The following NOS1AP variants were observed in gnomAD, a reference collection of about 807,000 sequenced individuals.
The protein encoded by NOS1AP is carboxyl-terminal PDZ ligand of neuronal nitric oxide synthase protein.
In NOS1AP, 21 loss-of-function variants were observed where a neutral mutation model predicts 56.2. The ratio of observed to expected loss-of-function variants is 0.37; its 90% CI spans 0.26 to 0.54. The LOEUF (loss-of-function observed/expected upper bound fraction) is 0.54. NOS1AP is among the 20% of genes least tolerant of loss of function. NOS1AP has a pLI of 0.84. For missense variants in NOS1AP, 522 were observed against 657.8 expected, an observed-to-expected ratio of 0.79 and a Z score of 2.26; for synonymous variants, 270 against 274.6, an observed-to-expected ratio of 0.98 and a Z score of 0.17.
At chr1:162,352,122 T>G (rs1160770042) in intron 6 of NOS1AP, among the ~76,000 whole-genome samples, 1 of 152,048 alleles carries the variant, frequency 6.6e-6, no homozygotes, top group Non-Finnish European at 1.5e-5. Context: ...TGCAGTGGCA[T>G]GATCTCAGCT....
chr1:162,322,205 G>A (rs1656444819), intron 4 of NOS1AP, among the ~76,000 whole-genome samples: 1 of 152,192 alleles, frequency 6.6e-6, no homozygotes, highest in Admixed American at 6.5e-5. Context: ...GATGCCTGGA[G>A]TACACACAAG....
rs577761936 is a variant in NOS1AP at position 162,207,327 on chromosome 1, C to T, written c.177+52851C>T. On this transcript the variant is annotated intron_variant, in intron 2 of 9. Transcript: ENST00000361897. ...TCACCGTCTACCCACGCGACACCTC[C>T]GCTTTAGACAGCTAGGTGCTGATAG... Among the ~76,000 whole-genome samples, 14 of 152,336 alleles carry T rather than the reference C, an allele frequency of 9.2e-5. No individual in the cohort carries two copies. The South Asian group carries it at 1.2e-3, about 14-fold the overall frequency.
chr1:162,078,714 C>A (rs1691825961), intron 1 of NOS1AP, among the ~76,000 whole-genome samples: 1 of 152,128 alleles, frequency 6.6e-6, no homozygotes, highest in African/African-American at 2.4e-5. Context: ...ATATTAGAAC[C>A]AAAATTCTTA....
At chr1:162,270,592 A>G (rs977883290) in intron 2 of NOS1AP, among the ~76,000 whole-genome samples, 1 of 152,190 alleles carries the variant, frequency 6.6e-6, no homozygotes. Context: ...GATGTTTTGG[A>G]TAGATTAAGG....
At chr1:162,128,979 T>C (rs1648621587) in intron 1 of NOS1AP, among the ~76,000 whole-genome samples, 1 of 152,208 alleles carries the variant, frequency 6.6e-6, no homozygotes, top group Admixed American at 6.5e-5. Flanking sequence ...GAGATTCTCA[T>C]TAGGCGCTGA....
chr1:162,344,028 G>C, intron 6 of NOS1AP, 52 bp downstream of exon 6: 2 of 1,602,380 alleles, frequency 1.2e-6, no homozygotes, highest in South Asian at 2.2e-5. Context: ...GCACACAGTA[G>C]GCTCTGGTGG....
chr1:162,230,272 A>G lies in NOS1AP; in HGVS notation c.178-57072A>G, dbSNP rs367779400. Among the ~76,000 whole-genome samples the G allele has an allele frequency of 4.6e-5, 7 of 152,288 alleles. No individual in the cohort carries two copies. In the East Asian group the frequency reaches 7.7e-4, roughly 17 times the overall value. On this transcript the variant is annotated intron_variant, in intron 2 of 9. Transcript: ENST00000361897. ...TATGCTGCTGGGTCTCCCATATCCC[A>G]TTGGCCAGGAAGTTGCCTGCTGTGC... is the stretch of plus-strand genomic sequence containing the variant.
At chr1:162,147,527 G>A (rs1024074160) in intron 1 of NOS1AP, among the ~76,000 whole-genome samples, 4 of 152,194 alleles carry the variant, frequency 2.6e-5, no homozygotes, top group African/African-American at 9.6e-5. Flanking sequence ...ATTATGATTC[G>A]TGTACCAGGG....
At chr1:162,296,990 C>T (rs912549862) in intron 3 of NOS1AP, among the ~76,000 whole-genome samples, 39 of 152,284 alleles carry the variant, frequency 2.6e-4, no homozygotes, top group African/African-American at 8.4e-4. Context: ...GGTCTTTTTA[C>T]CATAGAGCTC....
intron 1 of NOS1AP, among the ~76,000 whole-genome samples, chr1:162,093,542 ACTATGGCGCTT>A: frequency 6.6e-6 from 1 of 152,240 alleles, no homozygotes; most frequent in Non-Finnish European, 1.5e-5. Context: ...TGGAAGAGAT[ACTATGGCGCTT>A]TATTTTATTT....
intron 2 of NOS1AP, among the ~76,000 whole-genome samples, chr1:162,254,116 T>G (rs1653950049): frequency 6.6e-6 from 1 of 152,202 alleles, no homozygotes; most frequent in African/African-American, 2.4e-5. Flanking sequence ...GATGAAACAT[T>G]TGTATCTTTG....
intron 2 of NOS1AP, among the ~76,000 whole-genome samples, chr1:162,260,595 A>G (rs1015755404): frequency 6.6e-6 from 1 of 152,236 alleles, no homozygotes; most frequent in Non-Finnish European, 1.5e-5. Flanking sequence ...GATCAGAACT[A>G]GAGACATATT....
intron 2 of NOS1AP, among the ~76,000 whole-genome samples, chr1:162,265,563 A>T (rs1371335428): frequency 1.3e-5 from 2 of 151,858 alleles, no homozygotes; most frequent in Admixed American, 6.6e-5. Context: ...TGAACTCATC[A>T]TTTTTTTATG....
chr1:162,136,820 CAGA>C (rs560431826), intron 1 of NOS1AP, among the ~76,000 whole-genome samples: 1 of 152,332 alleles, frequency 6.6e-6, no homozygotes, highest in East Asian at 1.9e-4. Context: ...TTGGAGCATA[CAGA>C]AGTACCTCCT....
intron 1 of NOS1AP, among the ~76,000 whole-genome samples, chr1:162,071,772 A>G (rs1346896757): frequency 1.3e-5 from 2 of 152,178 alleles, no homozygotes; most frequent in Non-Finnish European, 2.9e-5. Flanking sequence ...ATTTTAAAGT[A>G]TGAGTTTTCA....
chr1:162,117,407 G>A (rs1648009794), intron 1 of NOS1AP, among the ~76,000 whole-genome samples: 1 of 152,122 alleles, frequency 6.6e-6, no homozygotes, highest in African/African-American at 2.4e-5. Flanking sequence ...CAGACAATTT[G>A]CCATTAGTGT....
At chr1:162,076,068 C>T (rs561892168) in intron 1 of NOS1AP, among the ~76,000 whole-genome samples, 37 of 152,208 alleles carry the variant, frequency 2.4e-4, no homozygotes, top group Non-Finnish European at 4.3e-4. Flanking sequence ...AGGCTTGACT[C>T]ACTGTTTACT....
At chr1:162,100,476 G>T (rs1329190819) in intron 1 of NOS1AP, among the ~76,000 whole-genome samples, 1 of 152,026 alleles carries the variant, frequency 6.6e-6, no homozygotes, top group Non-Finnish European at 1.5e-5. Flanking sequence ...TTTTTGATGG[G>T]GTTGTTTGTT....
chr1:162,102,484 T>C (rs951613861), intron 1 of NOS1AP, among the ~76,000 whole-genome samples: 11 of 152,240 alleles, frequency 7.2e-5, no homozygotes, highest in Non-Finnish European at 1.5e-4. Flanking sequence ...GAGGAGTCCC[T>C]CCTTTTCAAT....
Sources: gnomAD v4.1 joint callset for allele counts (sites outside exome capture counted in the v4.1 genomes callset) on GRCh38, gnomAD v4.1.1 for gene constraint, MANE v1.5 for transcripts, NCBI Gene and HGNC (gene_info 2026-07-23, HGNC 2026-07-21) for gene names.